Variants in RPS6KA2 observed in about 807,000 individuals in gnomAD.
RPS6KA2 encodes ribosomal protein S6 kinase A2.
A neutral mutation model predicts 91.8 loss-of-function variants in RPS6KA2; 42 were observed. That is an observed-to-expected ratio of 0.46 (90% CI 0.36 to 0.59). The LOEUF (loss-of-function observed/expected upper bound fraction) is 0.59, where lower values mean the gene tolerates loss of function less well. Among genes scored for constraint, RPS6KA2 ranks in the 20% least tolerant of loss-of-function variants. The pLI is 0.00. For missense variants in RPS6KA2, 798 were observed against 978.5 expected, an observed-to-expected ratio of 0.82 and a Z score of 2.46; for synonymous variants, 414 against 393.6, an observed-to-expected ratio of 1.05 and a Z score of -0.61.
At chr6:166,785,975 T>C (rs187623907) in intron 2 of RPS6KA2, among the ~76,000 whole-genome samples, 1 of 152,224 alleles carries the variant, frequency 6.6e-6, no homozygotes, top group South Asian at 2.1e-4. Flanking sequence ...TTGGTTTTAT[T>C]TTCTTTTTAA....
At chr6:166,708,207 G>A (rs940358741) in intron 2 of RPS6KA2, among the ~76,000 whole-genome samples, 6 of 152,078 alleles carry the variant, frequency 3.9e-5, no homozygotes, top group Non-Finnish European at 8.8e-5. Context: ...TTGTCACTAT[G>A]TATTAATTCT....
Position 166,612,927 on chromosome 6 carries a change from C to T in RPS6KA2, c.99+13994G>A, listed in dbSNP as rs1786239488. On this transcript the variant is annotated intron_variant, in intron 1 of 20. Transcript: ENST00000265678. This position sits in a 1 kb window ranked among gnomAD's most constrained non-coding sequence, Gnocchi z 4.3. ...TTTCTTCTTCCTGCCTCTTCTCTCC[C>T]CTCTCCTCCTGCCCTTTAATTATTG... Among the ~76,000 whole-genome samples, 1 of 152,192 alleles carries T rather than the reference C, an allele frequency of 6.6e-6. No individual in the cohort carries two copies. The highest frequency in any genetic ancestry group is 1.5e-5 in the Non-Finnish European group (1 of 68,034).
In RPS6KA2 at chr6:166,500,892, A is replaced by G. The variant is rs1782003283; in HGVS notation, c.599T>C (p.Ile200Thr). Residue 200 changes from isoleucine to threonine, a missense_variant, in exon 7 of 21, where the codon ATC (isoleucine) becomes ACC (threonine). By Grantham distance (89) the Ile-to-Thr change is moderately conservative (BLOSUM62 -1). Transcript: ENST00000265678. The surrounding 1 kb of genome is among the most constrained non-coding windows in gnomAD (Gnocchi z 4.3). ...GCCTGCCGTCTTTTACAAACCTGTGATCTTAATGTGCCCCTCTTCATCCAG... is the reference window on the plus strand; with the variant it reads ...GCCTGCCGTCTTTTACAAACCTGTGGTCTTAATGTGCCCCTCTTCATCCAG... ...ILLDEEGHIK[I>T]TDFGLSKEAI... is the part of the protein sequence containing the mutation. 6.2e-7 allele frequency: 1 copy of G among 1,614,044 alleles called. No individual in the cohort carries two copies. Among genetic ancestry groups the G allele is most frequent in the Non-Finnish European group, 8.5e-7 (1 of 1,179,914 alleles).
At chr6:166,512,393 T>A (rs1048184316) in intron 3 of RPS6KA2, among the ~76,000 whole-genome samples, 2 of 152,210 alleles carry the variant, frequency 1.3e-5, no homozygotes, top group Non-Finnish European at 2.9e-5. Context: ...AGGACAACAT[T>A]GTGAATGTAT....
chr6:166,847,514 G>T lies in RPS6KA2; in HGVS notation c.123+10686C>A, dbSNP rs895957994. The stretch of plus-strand genomic sequence containing the variant: ...ATATTACCTGACTCCAAACTATACT[G>T]TAATGTCATAGTAACCAAAACAGCA... On this transcript the variant is annotated intron_variant, in intron 2 of 21. Coordinates refer to the RPS6KA2 transcript ENST00000503859. Among the ~76,000 whole-genome samples the T allele has an allele frequency of 2.0e-5, 3 of 152,010 alleles. No individual in the cohort carries two copies. In the South Asian group the frequency reaches 6.2e-4, roughly 32 times the overall value.
chr6:166,782,243 G>A (rs187399344), intron 2 of RPS6KA2, among the ~76,000 whole-genome samples: 1 of 152,264 alleles, frequency 6.6e-6, no homozygotes, highest in African/African-American at 2.4e-5. Flanking sequence ...AGTGAGCTGA[G>A]ATTGCTCCAC....
intron 2 of RPS6KA2, among the ~76,000 whole-genome samples, chr6:166,717,427 C>T (rs946574537): frequency 6.6e-6 from 1 of 152,196 alleles, no homozygotes; most frequent in Admixed American, 6.5e-5. Flanking sequence ...CACACTGGCA[C>T]CAGGAGTCTC....
At chr6:166,744,628 C>T (rs892508558) in intron 2 of RPS6KA2, among the ~76,000 whole-genome samples, 3 of 152,184 alleles carry the variant, frequency 2.0e-5, no homozygotes, top group Admixed American at 6.5e-5. Context: ...GGCCCAGACA[C>T]CCCCGAGGGT....
In RPS6KA2 at chr6:166,759,320, T is replaced by C. The variant is rs561052711; in HGVS notation, c.123+98880A>G. Among the ~76,000 whole-genome samples, 405 of 152,316 alleles carry C rather than the reference T, an allele frequency of 2.7e-3. 4 individuals are homozygous for C. The highest frequency in any genetic ancestry group is 4.3e-3 in the Non-Finnish European group (295 of 68,036). On this transcript the variant is annotated intron_variant, in intron 2 of 21. Coordinates refer to the RPS6KA2 transcript ENST00000503859. ...CACATTTTTTTCTATTCTGGAGCCGTTGGCAAATATTACTTCTAAGCAGAA... is the reference window on the plus strand; with the variant it reads ...CACATTTTTTTCTATTCTGGAGCCGCTGGCAAATATTACTTCTAAGCAGAA...
At chr6:166,596,790 A>G (rs966878392) in intron 1 of RPS6KA2, among the ~76,000 whole-genome samples, 1 of 152,178 alleles carries the variant, frequency 6.6e-6, no homozygotes, top group East Asian at 1.9e-4. Flanking sequence ...CCTCTACAGA[A>G]CCCTGACTAA....
chr6:166,595,480 G>A (rs1785506827), intron 1 of RPS6KA2, among the ~76,000 whole-genome samples: 1 of 152,254 alleles, frequency 6.6e-6, no homozygotes, highest in Admixed American at 6.5e-5. Context: ...CACCCGCACA[G>A]ACTGCGGCTG....
rs746310629 is a variant in RPS6KA2, at chr6:166,498,490, G to A, written c.747+18C>T. 2 of 1,597,374 alleles carry A rather than the reference G, an allele frequency of 1.3e-6. No individual in the cohort carries two copies. Among genetic ancestry groups the A allele is most frequent in the Non-Finnish European group, 8.5e-7 (1 of 1,174,132 alleles). ...GGAACAGCCGCCATGGCACAGAAGA[G>A]GGTCGGGGCAGGCTCACCATGAGCA... On this transcript the variant is annotated intron_variant, in intron 8 of 20. Transcript: ENST00000265678.
At chr6:166,621,979 G>A (rs1786653571) in intron 1 of RPS6KA2, among the ~76,000 whole-genome samples, 1 of 152,168 alleles carries the variant, frequency 6.6e-6, no homozygotes, top group Non-Finnish European at 1.5e-5. Flanking sequence ...CCCCACATGT[G>A]AGAAACAGAA....
At chr6:166,592,317 G>T (rs780070499) in intron 1 of RPS6KA2, among the ~76,000 whole-genome samples, 8 of 152,236 alleles carry the variant, frequency 5.3e-5, no homozygotes, top group Non-Finnish European at 1.0e-4. Context: ...CACCTGCGGG[G>T]AAGAGGGCCC....
chr6:166,826,920 T>A (rs533433505), intron 2 of RPS6KA2, among the ~76,000 whole-genome samples: 1 of 152,318 alleles, frequency 6.6e-6, no homozygotes, highest in South Asian at 2.1e-4. Context: ...CTGATTATGT[T>A]TCTCATTTTA....
At chr6:166,658,474 C>T (rs981792506) in intron 2 of RPS6KA2, among the ~76,000 whole-genome samples, 2 of 152,176 alleles carry the variant, frequency 1.3e-5, no homozygotes, top group East Asian at 1.9e-4. Flanking sequence ...TCACTTTATG[C>T]AAATCCCACA....
rs1347963252 is a variant in RPS6KA2 at position 166,495,267 on chromosome 6, C to A, written c.747+3241G>T. Among the ~76,000 whole-genome samples the A allele has an allele frequency of 6.6e-6, 1 of 152,020 alleles. No individual in the cohort carries two copies. The highest frequency in any genetic ancestry group is 2.4e-5 in the African/African-American group (1 of 41,264). On this transcript the variant is annotated intron_variant, in intron 8 of 20. Coordinates refer to ENST00000265678, the MANE Select transcript of RPS6KA2 (RefSeq NM_021135.6). This position sits in a 1 kb window ranked among gnomAD's most constrained non-coding sequence, Gnocchi z 4.4. Reference sequence around the variant, plus strand: ...GCCAGGCAGCCTTAGCTTGTGGTCACCACGGCAACAGCCAGCCCTGCCTCG... The same window carrying A: ...GCCAGGCAGCCTTAGCTTGTGGTCAACACGGCAACAGCCAGCCCTGCCTCG...
chr6:166,481,995 T>C (rs1781240251), intron 10 of RPS6KA2, among the ~76,000 whole-genome samples: 1 of 151,586 alleles, frequency 6.6e-6, no homozygotes, highest in Non-Finnish European at 1.5e-5. Flanking sequence ...CGTATACCTC[T>C]CTGATCGATC....
upstream of RPS6KA2, among the ~76,000 whole-genome samples, chr6:166,631,234 A>G (rs1787065954): frequency 6.6e-6 from 1 of 152,250 alleles, no homozygotes; most frequent in Admixed American, 6.5e-5. Flanking sequence ...GTACCAGGAA[A>G]TGGAATTTAC....
Sources: gnomAD v4.1 joint callset for allele counts (sites outside exome capture counted in the v4.1 genomes callset) on GRCh38, gnomAD v4.1.1 for gene constraint, Gnocchi (gnomAD v3.1) non-coding constraint, MANE v1.5 for transcripts, NCBI Gene and HGNC (gene_info 2026-07-23, HGNC 2026-07-21) for gene names.